The following CRPPA variants were observed in gnomAD, a reference collection of about 807,000 sequenced individuals.
CRPPA encodes D-ribitol-5-phosphate cytidylyltransferase.
CRPPA carries 43 observed loss-of-function variants against 52.0 expected under a neutral mutation model. That is an observed-to-expected ratio of 0.83 (90% CI 0.65 to 1.07). The LOEUF is 1.07. Ranked by LOEUF, CRPPA falls within the 50% of genes least tolerant of loss-of-function variation. CRPPA has a pLI of 0.00. For missense variants in CRPPA, 629 were observed against 551.7 expected, an observed-to-expected ratio of 1.14 and a Z score of -1.40; for synonymous variants, 250 against 203.5, an observed-to-expected ratio of 1.23 and a Z score of -1.94.
intron 9 of CRPPA, among the ~76,000 whole-genome samples, chr7:16,197,607 T>C (rs1290183885): frequency 6.6e-6 from 1 of 151,754 alleles, no homozygotes; most frequent in Non-Finnish European, 1.5e-5. Flanking sequence ...CCTCTGAAAA[T>C]GCTAAGCAAA....
At chr7:16,345,547 CAG>C (rs1785991791) in intron 3 of CRPPA, among the ~76,000 whole-genome samples, 1 of 152,134 alleles carries the variant, frequency 6.6e-6, no homozygotes, top group East Asian at 1.9e-4. Context: ...AAAAGGTAAA[CAG>C]TGTATAAATA....
chr7:16,109,729 C>G (rs766751904), intron 9 of CRPPA, among the ~76,000 whole-genome samples: 10 of 151,866 alleles, frequency 6.6e-5, no homozygotes, highest in Non-Finnish European at 1.5e-4. Context: ...CATCCAGATG[C>G]AAAAAAAGCA....
intron 5 of CRPPA, among the ~76,000 whole-genome samples, chr7:16,286,038 AATAT>A (rs1562608319): frequency 0.14 from 2,479 of 17,318 alleles, 304 homozygotes; most frequent in Non-Finnish European, 0.17. Flanking sequence ...AAAAAAAAAA[AATAT>A]AAATATATAT....
intron 9 of CRPPA, among the ~76,000 whole-genome samples, chr7:16,170,663 G>A (rs1272680819): frequency 1.3e-5 from 2 of 152,200 alleles, no homozygotes; most frequent in African/African-American, 4.8e-5. Context: ...CAGGGGGCGG[G>A]GGAGAGAGGG....
chr7:16,313,438 G>T (rs1259006076), intron 3 of CRPPA, among the ~76,000 whole-genome samples: 2 of 151,754 alleles, frequency 1.3e-5, no homozygotes, highest in Non-Finnish European at 2.9e-5. Flanking sequence ...GTATTAATTT[G>T]TATATTCTTT....
chr7:16,164,269 C>A (rs1040846934), intron 9 of CRPPA, among the ~76,000 whole-genome samples: 6 of 152,144 alleles, frequency 3.9e-5, no homozygotes, highest in African/African-American at 1.4e-4. Flanking sequence ...GATCTTCAGT[C>A]TCTGATATTC....
chr7:16,407,447 C>T (rs1325739945), intron 1 of CRPPA, among the ~76,000 whole-genome samples: 1 of 152,226 alleles, frequency 6.6e-6, no homozygotes. Flanking sequence ...CAAACCAAGA[C>T]AACGGTCTCT....
chr7:16,156,886 C>T (rs1783192361), intron 9 of CRPPA, among the ~76,000 whole-genome samples: 1 of 152,110 alleles, frequency 6.6e-6, no homozygotes, highest in South Asian at 2.1e-4. Context: ...GAAATCAAGC[C>T]AGCAACCCCA....
intron 5 of CRPPA, among the ~76,000 whole-genome samples, chr7:16,281,214 C>T (rs1784314895): frequency 6.6e-6 from 1 of 152,106 alleles, no homozygotes; most frequent in Admixed American, 6.5e-5. Flanking sequence ...TGATTTGTCC[C>T]CTGTGTCCTG....
chr7:16,288,692 C>T (rs1784497149), intron 5 of CRPPA, among the ~76,000 whole-genome samples: 1 of 151,202 alleles, frequency 6.6e-6, no homozygotes. Flanking sequence ...GCTAAACATA[C>T]AAAAATTAGC....
At chr7:16,254,476 A>T (rs1167122504) in intron 8 of CRPPA, among the ~76,000 whole-genome samples, 2 of 152,024 alleles carry the variant, frequency 1.3e-5, no homozygotes, top group Non-Finnish European at 2.9e-5. Context: ...TTCTGAGCAA[A>T]CTATTGCAAG....
At chr7:16,336,438 T>G (rs1785682584) in intron 3 of CRPPA, among the ~76,000 whole-genome samples, 1 of 151,912 alleles carries the variant, frequency 6.6e-6, no homozygotes, top group Non-Finnish European at 1.5e-5. Flanking sequence ...AGTATAAAAA[T>G]ATTTTATGTA....
Position 16,295,340 on chromosome 7 carries a change from A to G in CRPPA, c.835+6081T>C, listed in dbSNP as rs1022888449. Among the ~76,000 whole-genome samples the G allele has an allele frequency of 2.0e-5, 3 of 152,086 alleles. No individual in the cohort carries two copies. In the East Asian group the frequency reaches 5.8e-4, roughly 29 times the overall value. On this transcript the variant is annotated intron_variant, in intron 5 of 9. Transcript: ENST00000407010. Reference sequence around the variant, plus strand: ...ATACCTAACAAATGGAAAATATTACATAATAACTGGAAAAAAGATTAACTA... The same window carrying G: ...ATACCTAACAAATGGAAAATATTACGTAATAACTGGAAAAAAGATTAACTA...
At chr7:16,305,011 G>A (rs1008505121) in intron 4 of CRPPA, among the ~76,000 whole-genome samples, 2 of 152,000 alleles carry the variant, frequency 1.3e-5, no homozygotes, top group Non-Finnish European at 2.9e-5. Context: ...TTTTTTAAAA[G>A]GCAGCATCTT....
intron 2 of CRPPA, 136 bp downstream of exon 2, chr7:16,405,925 A>G: frequency 1.3e-6 from 1 of 795,180 alleles, no homozygotes; most frequent in Non-Finnish European, 2.0e-6. Flanking sequence ...TACTACAACA[A>G]ATCACCATAA....
intron 3 of CRPPA, among the ~76,000 whole-genome samples, chr7:16,373,052 T>C (rs573373042): frequency 6.4e-4 from 98 of 152,298 alleles, no homozygotes; most frequent in Non-Finnish European, 3.7e-4. Flanking sequence ...CCCAACACTT[T>C]GGGAGGCCAA....
At chr7:16,138,916 C>T (rs1287189527) in intron 9 of CRPPA, among the ~76,000 whole-genome samples, 1 of 152,112 alleles carries the variant, frequency 6.6e-6, no homozygotes, top group Non-Finnish European at 1.5e-5. Context: ...ATTCTCCTGC[C>T]TTGGCCTCCT....
chr7:16,185,808 A>G lies in CRPPA; in HGVS notation c.1251+30258T>C, dbSNP rs180949550. 4.6e-5 allele frequency among the ~76,000 whole-genome samples: 7 copies of G among 152,330 alleles called. No individual in the cohort carries two copies. The East Asian group carries it at 1.3e-3, about 29-fold the overall frequency. ...GAGGCACTGATTGGAAAAGTGAACA[A>G]GGGAAAAAAGTGGCAGTCAAATAGT... On this transcript the variant is annotated intron_variant, in intron 9 of 9. Coordinates refer to ENST00000407010, the MANE Select transcript of CRPPA (RefSeq NM_001101426.4).
Position 16,404,286 on chromosome 7 carries a change from GTTTCA to G in CRPPA, c.534+1770_534+1774del, listed in dbSNP as rs370808240. ...TACAGATTTCACTGAAATATACTTTGTTTCATTTAAGATGCATTATGTGATTAAAT... is the reference window on the plus strand; with the variant it reads ...TACAGATTTCACTGAAATATACTTTGTTTAAGATGCATTATGTGATTAAAT... On this transcript the variant is annotated intron_variant, in intron 2 of 9. Coordinates refer to ENST00000407010, the MANE Select transcript of CRPPA (RefSeq NM_001101426.4). Among the ~76,000 whole-genome samples, 193 of 152,212 alleles carry G rather than the reference GTTTCA, an allele frequency of 1.3e-3. 7 individuals carry two copies. The South Asian group carries it at 0.039, about 31-fold the overall frequency.
Sources: gnomAD v4.1 joint callset for allele counts (sites outside exome capture counted in the v4.1 genomes callset) on GRCh38, gnomAD v4.1.1 for gene constraint, MANE v1.5 for transcripts, NCBI Gene and HGNC (gene_info 2026-07-23, HGNC 2026-07-21) for gene names.